LRMDA: variants seen among roughly 807,000 people sequenced by gnomAD.
LRMDA encodes leucine-rich melanocyte differentiation-associated protein.
A neutral mutation model predicts 29.8 loss-of-function variants in LRMDA; 18 were observed. That is an observed-to-expected ratio of 0.60 (90% confidence interval 0.42 to 0.90). The LOEUF (loss-of-function observed/expected upper bound fraction) is 0.90. Among genes scored for constraint, LRMDA ranks in the 40% least tolerant of loss-of-function variants. The probability of loss-of-function intolerance (pLI) is 0.00; values close to 1 mark genes in which losing one functional copy is unlikely to be tolerated. For missense variants in LRMDA, 273 were observed against 273.9 expected (o/e 1.00, Z 0.02); for synonymous variants, 125 against 109.4 (o/e 1.14, Z -0.89).
intron 5 of LRMDA, among the ~76,000 whole-genome samples, chr10:76,074,172 G>C (rs745798027): frequency 4.1e-4 from 63 of 152,320 alleles, no homozygotes; most frequent in Non-Finnish European, 6.9e-4. Flanking sequence ...GTATGCAACT[G>C]TGCAGTCTGT....
At chr10:76,416,707 G>C (rs1188609594) in intron 6 of LRMDA, among the ~76,000 whole-genome samples, 2 of 152,224 alleles carry the variant, frequency 1.3e-5, no homozygotes, top group African/African-American at 2.4e-5. Context: ...CCATGAAATA[G>C]AGATCAAGTA....
chr10:76,205,061 C>T lies in LRMDA; in HGVS notation c.517-119340C>T, dbSNP rs1029661007. Among the ~76,000 whole-genome samples the T allele has an allele frequency of 2.0e-5, 3 of 152,168 alleles. No individual in the cohort carries two copies. The South Asian group carries it at 6.2e-4, about 32-fold the overall frequency. Reference sequence around the variant, plus strand: ...CTTAAGAAAAGGGAGACAGAGGCCCCTAGCAACCGTGGGATCCTCTAACTG... The same window carrying T: ...CTTAAGAAAAGGGAGACAGAGGCCCTTAGCAACCGTGGGATCCTCTAACTG... On this transcript the variant is annotated intron_variant, in intron 5 of 6. Transcript: ENST00000611255.
At chr10:76,335,511 C>T (rs1270565474) in intron 6 of LRMDA, among the ~76,000 whole-genome samples, 11 of 152,124 alleles carry the variant, frequency 7.2e-5, no homozygotes, top group East Asian at 1.9e-4. Context: ...CTTAAGGATG[C>T]GCCTGTGACA....
intron 5 of LRMDA, among the ~76,000 whole-genome samples, chr10:76,177,808 T>G (rs1471843558): frequency 6.6e-6 from 1 of 152,232 alleles, no homozygotes; most frequent in African/African-American, 2.4e-5. Flanking sequence ...CTATCTTATT[T>G]AACTTCATCT....
chr10:76,420,903 T>C (rs1842065398), intron 6 of LRMDA, among the ~76,000 whole-genome samples: 2 of 152,140 alleles, frequency 1.3e-5, no homozygotes, highest in South Asian at 4.1e-4. Flanking sequence ...TTCTGCCTTT[T>C]CAAATTTCCT....
chr10:75,782,681 C>G, intron 2 of LRMDA: 1 of 1,170,510 alleles, frequency 8.5e-7, no homozygotes, highest in Non-Finnish European at 1.1e-6. Context: ...CGGTGCAGTT[C>G]CAAGTAGAGT....
chr10:76,099,885 T>A (rs1898076), intron 5 of LRMDA, among the ~76,000 whole-genome samples: 66,085 of 151,980 alleles, frequency 0.43, 14,899 homozygotes, highest in Non-Finnish European at 0.46. Flanking sequence ...ACTGTTTTGT[T>A]TGTATTTGAA....
At chr10:75,708,520 A>T (rs940103044) in intron 2 of LRMDA, among the ~76,000 whole-genome samples, 2 of 152,290 alleles carry the variant, frequency 1.3e-5, no homozygotes, top group South Asian at 4.1e-4. Context: ...TAATACCGCA[A>T]TGCCAGATAC....
intron 2 of LRMDA, among the ~76,000 whole-genome samples, chr10:75,837,244 G>A (rs1844455717): frequency 6.6e-6 from 1 of 152,042 alleles, no homozygotes; most frequent in Admixed American, 6.6e-5. Flanking sequence ...TATTAGGTGG[G>A]GTTAAATTTT....
chr10:75,945,072 C>T (rs538392546), intron 2 of LRMDA, among the ~76,000 whole-genome samples: 38 of 152,246 alleles, frequency 2.5e-4, no homozygotes, highest in African/African-American at 9.1e-4. Context: ...GTGTCCTGGA[C>T]ATTGTAGACA....
chr10:76,037,806 A>C (rs1474631472), intron 3 of LRMDA, among the ~76,000 whole-genome samples: 1 of 152,218 alleles, frequency 6.6e-6, no homozygotes. Flanking sequence ...TTTGGGGATT[A>C]GAATTTCAAC....
At chr10:75,965,096 C>A (rs2132432816) in intron 2 of LRMDA, among the ~76,000 whole-genome samples, 1 of 152,266 alleles carries the variant, frequency 6.6e-6, no homozygotes, top group Non-Finnish European at 1.5e-5. Context: ...AACTATTTGG[C>A]ACCCTTAAGC....
chr10:76,036,551 T>C (rs1338780053), intron 3 of LRMDA, among the ~76,000 whole-genome samples: 1 of 152,304 alleles, frequency 6.6e-6, no homozygotes, highest in East Asian at 1.9e-4. Flanking sequence ...CCAAGCAAAC[T>C]TCCTCTCCTG....
intron 6 of LRMDA, among the ~76,000 whole-genome samples, chr10:76,348,680 G>C (rs1390737215): frequency 6.6e-6 from 1 of 152,142 alleles, no homozygotes; most frequent in Non-Finnish European, 1.5e-5. Flanking sequence ...AATGGTTTCT[G>C]AGAAAGATTG....
At chr10:75,971,373 C>T (rs576601979) in intron 2 of LRMDA, among the ~76,000 whole-genome samples, 4 of 152,296 alleles carry the variant, frequency 2.6e-5, no homozygotes, top group Non-Finnish European at 5.9e-5. Context: ...TTATGTAGTG[C>T]TTGTCAATGA....
intron 5 of LRMDA, among the ~76,000 whole-genome samples, chr10:76,284,205 G>A (rs569761015): frequency 1.7e-4 from 26 of 152,180 alleles, no homozygotes; most frequent in Middle Eastern, 3.2e-3. Flanking sequence ...CTTTGCAGGT[G>A]TGATTAAAAA....
At chr10:75,560,002 G>C (rs1390860681) in intron 2 of LRMDA, among the ~76,000 whole-genome samples, 1 of 150,298 alleles carries the variant, frequency 6.7e-6, no homozygotes, top group Non-Finnish European at 1.5e-5. Context: ...CTTAGGATTG[G>C]CTTGGCGATG....
chr10:76,276,530 T>C (rs1336605450), intron 5 of LRMDA, among the ~76,000 whole-genome samples: 1 of 152,296 alleles, frequency 6.6e-6, no homozygotes, highest in African/African-American at 2.4e-5. Flanking sequence ...TCCTGAGAGC[T>C]TCTACTTTTC....
chr10:75,621,199 T>TGCACAC (rs1554816441), intron 2 of LRMDA, among the ~76,000 whole-genome samples: 1 of 136,636 alleles, frequency 7.3e-6, no homozygotes, highest in East Asian at 2.2e-4. Flanking sequence ...AGTATTCCAT[T>TGCACAC]ACACACACAC....
Sources: gnomAD v4.1 joint callset for allele counts (sites outside exome capture counted in the v4.1 genomes callset) on GRCh38, gnomAD v4.1.1 for gene constraint, MANE v1.5 for transcripts, NCBI Gene and HGNC (gene_info 2026-07-23, HGNC 2026-07-21) for gene names.